INTS12: variants seen among roughly 807,000 people sequenced by gnomAD.
The protein encoded by INTS12 is integrator complex subunit 12.
A neutral mutation model predicts 41.6 loss-of-function variants in INTS12; 13 were observed. That is an observed-to-expected ratio of 0.31 (90% CI 0.20 to 0.50). The LOEUF is 0.50. Among genes scored for constraint, INTS12 ranks in the 20% least tolerant of loss-of-function variants. The pLI, the probability that INTS12 is intolerant of heterozygous loss-of-function variation, is 0.98. For synonymous variants in INTS12, 199 were observed against 191.4 expected (o/e 1.04, Z -0.33); for missense variants, 432 against 541.6 (o/e 0.80, Z 2.01).
intron 7 of INTS12, among the ~76,000 whole-genome samples, chr4:105,686,181 G>A (rs1731491827): frequency 6.6e-6 from 1 of 152,136 alleles, no homozygotes; most frequent in Non-Finnish European, 1.5e-5. Context: ...TCCTGCCTCA[G>A]CCTCCCAAGT....
In INTS12 at chr4:105,682,892, TG is replaced by T; in HGVS notation, c.1229del (p.Ser410Ter). 1 of 1,614,120 alleles carries T rather than the reference TG, an allele frequency of 6.2e-7. No individual in the cohort carries two copies. Among genetic ancestry groups the T allele is most frequent in the Non-Finnish European group, 8.5e-7 (1 of 1,179,966 alleles). On this transcript the variant is annotated frameshift_variant, in exon 8 of 8. Transcript: ENST00000340139. LOFTEE classifies it high-confidence loss of function. ...QLSGNGNSGT[S>X]GPSGSTTSKT... ...TGCTGGTAGTACTTCCACTAGGTCC[TG>T]ATGTTCCACTATTTCCATTCCCACT...
At chr4:105,690,227 G>A (rs774454777) in intron 6 of INTS12, among the ~76,000 whole-genome samples, 9 of 151,934 alleles carry the variant, frequency 5.9e-5, no homozygotes, top group Non-Finnish European at 1.2e-4. Flanking sequence ...GGTAGAGTCG[G>A]GTCAAAAAGA....
intron 2 of INTS12, chr4:105,703,055 C>T: frequency 5.1e-6 from 5 of 980,032 alleles, no homozygotes; most frequent in Non-Finnish European, 6.1e-6. Flanking sequence ...CCTGGAGTTA[C>T]ACCAAATCAT....
chr4:105,693,206 C>T, intron 5 of INTS12, 93 bp downstream of exon 5: 1 of 1,054,516 alleles, frequency 9.5e-7, no homozygotes, highest in Non-Finnish European at 1.3e-6. Flanking sequence ...AGAAAATGCA[C>T]AACAATTTTT....
At chr4:105,683,457 A>G (rs1731396829) in intron 7 of INTS12, 140 bp from the exon 8 acceptor site, 1 of 679,798 alleles carries the variant, frequency 1.5e-6, no homozygotes, top group African/African-American at 1.8e-5. Context: ...ACCACACAGA[A>G]CAAAACTTAT....
At chr4:105,693,079 G>C (rs916743198) in intron 5 of INTS12, among the ~76,000 whole-genome samples, 3 of 152,146 alleles carry the variant, frequency 2.0e-5, no homozygotes, top group Non-Finnish European at 4.4e-5. Context: ...CAACATAACA[G>C]ATTTAAAAGC....
In INTS12 at chr4:105,686,792, A is replaced by G. The variant is rs761046582; in HGVS notation, c.704T>C (p.Val235Ala). The G allele has an allele frequency of 1.4e-5, 23 of 1,613,854 alleles. No individual in the cohort carries two copies. The highest frequency in any genetic ancestry group is 8.8e-5 in the South Asian group (8 of 91,074). Residue 235 changes from valine (V) to alanine (A), a missense_variant, in exon 7 of 8, where the codon GTT (valine) becomes GCT (alanine). By Grantham distance (64) the Val-to-Ala change is moderately conservative. Around this residue, in one of 3 missense-constraint regions of INTS12, gnomAD observed 258 missense variants for 309.9 expected, o/e 0.83. Coordinates refer to ENST00000340139, the MANE Select transcript of INTS12 (RefSeq NM_020395.4). ...ATCTTTGACAGCTGGAGTTACAGAAACAACTGCAGGGGCTGGTTTCTGCGG... is the reference window on the plus strand; with the variant it reads ...ATCTTTGACAGCTGGAGTTACAGAAGCAACTGCAGGGGCTGGTTTCTGCGG... Reference protein sequence around the residue: ...KPPQKPAPAVVSVTPAVKDPL... With the variant: ...KPPQKPAPAVASVTPAVKDPL...
chr4:105,692,120 T>G lies in INTS12; in HGVS notation c.513A>C (p.Ala171=), dbSNP rs899124187. ...ACVVCRQMMV[A]SGNQLVECQE... Reference sequence around the variant, plus strand: ...GACATTCTACTAATTGATTGCCAGATGCCACCATCATTTGCCTAAGAAAAC... The same window carrying G: ...GACATTCTACTAATTGATTGCCAGAGGCCACCATCATTTGCCTAAGAAAAC... Residue 171 remains alanine (A), a synonymous_variant, in exon 6 of 8, where the codon GCA becomes GCC. Coordinates refer to ENST00000340139, the MANE Select transcript of INTS12 (RefSeq NM_020395.4). The G allele has an allele frequency of 2.5e-6, 4 of 1,610,956 alleles. No homozygotes were observed. The highest frequency in any genetic ancestry group is 1.7e-5 in the Admixed American group (1 of 59,668).
At position 105,693,319 on chromosome 4, in the gene INTS12, T is replaced by A. The variant is rs763668022; in HGVS notation, c.477A>T (p.Gly159=). The A allele has an allele frequency of 1.2e-6, 2 of 1,608,852 alleles. No individual in the cohort carries two copies. Among genetic ancestry groups the A allele is most frequent in the South Asian group, 2.2e-5 (2 of 90,270 alleles). The change falls in exon 5 of 8, where the codon GGA becomes GGT. Residue 159 remains glycine (G), a synonymous_variant. Coordinates refer to ENST00000340139, the MANE Select transcript of INTS12 (RefSeq NM_020395.4). ...CTTACCTACAAACAACGCAGGCCAA[T>A]CCCATCTCCATGGCAAAATCATCAG... ...TSADDFAMEM[G]LACVVCRQMM...
At chr4:105,686,386 G>A (rs148580917) in intron 7 of INTS12, among the ~76,000 whole-genome samples, 254 of 152,228 alleles carry the variant, frequency 1.7e-3, no homozygotes, top group African/African-American at 4.8e-3. Context: ...ATGGCACCTC[G>A]CCTGAATTTA....
At chr4:105,695,965 T>G (rs1473221840) in intron 3 of INTS12, among the ~76,000 whole-genome samples, 2 of 152,156 alleles carry the variant, frequency 1.3e-5, no homozygotes. Flanking sequence ...GTGATTCTCC[T>G]GCCTCAGCCT....
intron 2 of INTS12, chr4:105,702,942 C>G (rs890908543): frequency 1.0e-6 from 1 of 984,838 alleles, no homozygotes; most frequent in African/African-American, 1.7e-5. Flanking sequence ...CCTTCCTTAC[C>G]GGCAAATATC....
chr4:105,701,518 TCATGGGG>T (rs1404869603), intron 2 of INTS12, among the ~76,000 whole-genome samples: 1 of 152,162 alleles, frequency 6.6e-6, no homozygotes, highest in Non-Finnish European at 1.5e-5. Context: ...TAAAATTTAC[TCATGGGG>T]CTGGTCACCA....
At chr4:105,704,106 G>T (rs10516523) in intron 1 of INTS12, among the ~76,000 whole-genome samples, 58,850 of 151,218 alleles carry the variant, frequency 0.39, 16,830 homozygotes, top group African/African-American at 0.81. Flanking sequence ...ATAGCAAAAC[G>T]TTCTCAGAAA....
At position 105,697,507 on chromosome 4, in the gene INTS12, C is replaced by T. The variant is rs190977632; in HGVS notation, c.157-1839G>A. Among the ~76,000 whole-genome samples, 10 of 152,130 alleles carry T rather than the reference C, an allele frequency of 6.6e-5. No individual in the cohort carries two copies. In the East Asian group the frequency reaches 7.7e-4, roughly 12 times the overall value. On this transcript the variant is annotated intron_variant, in intron 3 of 7. Transcript: ENST00000340139. ...ATTATTATGCTGATTGTTTAGACAA[C>T]GGGTTAGCAAACTGAGGCCTATAAA...
At chr4:105,687,593 A>G (rs1731540025) in intron 6 of INTS12, among the ~76,000 whole-genome samples, 1 of 152,166 alleles carries the variant, frequency 6.6e-6, no homozygotes, top group Non-Finnish European at 1.5e-5. Flanking sequence ...ACTGTTTATA[A>G]ATGGTTATGT....
chr4:105,693,206 C>A, intron 5 of INTS12, 93 bp downstream of exon 5: 1 of 1,054,516 alleles, frequency 9.5e-7, no homozygotes, highest in Non-Finnish European at 1.3e-6. Flanking sequence ...AGAAAATGCA[C>A]AACAATTTTT....
At chr4:105,696,167 A>T (rs1034211371) in intron 3 of INTS12, among the ~76,000 whole-genome samples, 1 of 152,182 alleles carries the variant, frequency 6.6e-6, no homozygotes, top group Non-Finnish European at 1.5e-5. Flanking sequence ...ACACCTACTT[A>T]AAGTGTAACA....
chr4:105,692,483 C>CAAAAAAA (rs571586438), intron 5 of INTS12, among the ~76,000 whole-genome samples: 2 of 49,214 alleles, frequency 4.1e-5, no homozygotes, highest in Non-Finnish European at 8.2e-5. Context: ...GACTCTGTCT[C>CAAAAAAA]AAAAAAAAAA....
Sources: gnomAD v4.1 joint callset for allele counts (sites outside exome capture counted in the v4.1 genomes callset) on GRCh38, gnomAD v4.1.1 for gene constraint, gnomAD v4.1.1 regional missense constraint, MANE v1.5 for transcripts, NCBI Gene and HGNC (gene_info 2026-07-23, HGNC 2026-07-21) for gene names.